NLK: variants seen among roughly 807,000 people sequenced by gnomAD.
NLK encodes the protein serine/threonine-protein kinase NLK.
In NLK, 11 loss-of-function variants were observed where a neutral mutation model predicts 59.0. The ratio of observed to expected loss-of-function variants is 0.19; its 90% CI spans 0.12 to 0.31. The LOEUF (loss-of-function observed/expected upper bound fraction) is 0.31, where lower values mean the gene tolerates loss of function less well. Ranked by LOEUF, NLK falls within the 10% of genes least tolerant of loss-of-function variation. The pLI is 1.00. For missense variants in NLK, 410 were observed against 661.1 expected (o/e 0.62, Z 4.16); for synonymous variants, 235 against 235.9 (o/e 1.00, Z 0.03).
At chr17:28,148,377 T>C (rs1210634617) in intron 3 of NLK, among the ~76,000 whole-genome samples, 2 of 152,082 alleles carry the variant, frequency 1.3e-5, no homozygotes, top group African/African-American at 4.8e-5. Context: ...GGGATATGAA[T>C]CTATTTAAGC....
At chr17:28,111,896 GGTGT>G (rs747211468) in intron 1 of NLK, among the ~76,000 whole-genome samples, 2,047 of 67,142 alleles carry the variant, frequency 0.03, 36 homozygotes, top group Middle Eastern at 0.054. Flanking sequence ...GTGTGTGTGT[GGTGT>G]GTGTGTGTGT....
intron 3 of NLK, among the ~76,000 whole-genome samples, chr17:28,143,131 C>T (rs1262201233): frequency 6.6e-6 from 1 of 151,676 alleles, no homozygotes; most frequent in Non-Finnish European, 1.5e-5. Flanking sequence ...GCAACCTCCA[C>T]CTCCTGGGTT....
At chr17:28,081,541 TAAC>T (rs1247238134) in intron 1 of NLK, among the ~76,000 whole-genome samples, 1 of 151,868 alleles carries the variant, frequency 6.6e-6, no homozygotes, top group East Asian at 1.9e-4. Flanking sequence ...GGAAAAAAAA[TAAC>T]AAATACAAAT....
chr17:28,132,141 A>T (rs558516897), intron 2 of NLK, among the ~76,000 whole-genome samples: 1 of 152,242 alleles, frequency 6.6e-6, no homozygotes, highest in African/African-American at 2.4e-5. Context: ...TTGTAATTAC[A>T]TATCTGTAAC....
At chr17:28,155,097 A>G (rs565923873) in intron 3 of NLK, among the ~76,000 whole-genome samples, 2 of 152,340 alleles carry the variant, frequency 1.3e-5, no homozygotes, top group African/African-American at 4.8e-5. Context: ...TCACTTGGTT[A>G]AATGAATTAT....
At chr17:28,060,210 C>T (rs1909584051) in intron 1 of NLK, among the ~76,000 whole-genome samples, 1 of 151,370 alleles carries the variant, frequency 6.6e-6, no homozygotes, top group Non-Finnish European at 1.5e-5. Flanking sequence ...AGAAACAAAG[C>T]CAAAAAATAA....
chr17:28,157,163 A>G (rs573369921), intron 3 of NLK, among the ~76,000 whole-genome samples: 5 of 151,876 alleles, frequency 3.3e-5, no homozygotes, highest in Middle Eastern at 3.4e-3. Context: ...ACTACCAGCA[A>G]ATGCCACAAT....
rs75625581 is a variant in NLK, at chr17:28,177,513, G to A, written c.1149+4895G>A. 0.014 allele frequency among the ~76,000 whole-genome samples: 2,152 copies of A among 152,256 alleles called. 81 individuals are homozygous for A. In the East Asian group the frequency reaches 0.17, roughly 12 times the overall value. ...GACTTCAGGCCCTGTTGGAATTCAG[G>A]TTGTGAGATGATCTTCCATGCCAGG... On this transcript the variant is annotated intron_variant, in intron 7 of 10. Transcript: ENST00000407008.
chr17:28,092,180 T>C (rs2142779078), intron 1 of NLK, among the ~76,000 whole-genome samples: 1 of 152,214 alleles, frequency 6.6e-6, no homozygotes, highest in East Asian at 1.9e-4. Context: ...AGGACCAACT[T>C]TTCTTTGGAC....
rs1909448743 is a variant in NLK at position 28,195,279 on chromosome 17, T to C, written c.*643T>C. On this transcript the variant is annotated 3_prime_UTR_variant, in exon 11 of 11. Coordinates refer to ENST00000407008, the MANE Select transcript of NLK (RefSeq NM_016231.5). ...TGGGTAGAGAGAATGAGTTTGTGACTAGGAGAGACTAAACTTTTGTTTTCC... is the reference window on the plus strand; with the variant it reads ...TGGGTAGAGAGAATGAGTTTGTGACCAGGAGAGACTAAACTTTTGTTTTCC... 6.6e-6 allele frequency: 1 copy of C among 151,786 alleles called. No individual in the cohort carries two copies. Among genetic ancestry groups the C allele is most frequent in the Non-Finnish European group, 1.5e-5 (1 of 67,964 alleles). 9.4% of individuals were successfully genotyped at this position (151,786 alleles called of 1,614,324 possible).
At chr17:28,162,267 G>A (rs1323120153) in intron 4 of NLK, among the ~76,000 whole-genome samples, 1 of 151,918 alleles carries the variant, frequency 6.6e-6, no homozygotes, top group African/African-American at 2.4e-5. Flanking sequence ...CTCCTGCCTC[G>A]GCCTCCCAAA....
intron 7 of NLK, among the ~76,000 whole-genome samples, chr17:28,175,708 G>A (rs1367934957): frequency 6.6e-6 from 1 of 152,150 alleles, no homozygotes; most frequent in East Asian, 1.9e-4. Context: ...TGCATGTAAG[G>A]AGAACATAGA....
intron 1 of NLK, among the ~76,000 whole-genome samples, chr17:28,103,100 A>G (rs1189311638): frequency 1.3e-5 from 2 of 152,184 alleles, no homozygotes; most frequent in African/African-American, 4.8e-5. Flanking sequence ...AAATGGCAAA[A>G]TAAATAAATA....
At chr17:28,148,434 ATTATTT>A (rs1379659943) in intron 3 of NLK, among the ~76,000 whole-genome samples, 2 of 152,224 alleles carry the variant, frequency 1.3e-5, no homozygotes, top group African/African-American at 4.8e-5. Context: ...TATCGTCAAG[ATTATTT>A]TTATAATTTG....
In NLK at chr17:28,124,520, A is replaced by C. The variant is rs191096823; in HGVS notation, c.588+1788A>C. ...CAGTCTGGGTGCAGAGCAGGACTCC[A>C]TCTCTAAAAAAAAACCACACACACA... On this transcript the variant is annotated intron_variant, in intron 2 of 10. Coordinates refer to ENST00000407008, the MANE Select transcript of NLK (RefSeq NM_016231.5). Among the ~76,000 whole-genome samples the C allele has an allele frequency of 2.3e-3, 350 of 152,170 alleles. 3 individuals are homozygous for C. The highest frequency in any genetic ancestry group is 7.9e-3 in the African/African-American group (329 of 41,514).
intron 5 of NLK, among the ~76,000 whole-genome samples, chr17:28,166,507 A>G (rs1908242599): frequency 6.6e-6 from 1 of 152,196 alleles, no homozygotes; most frequent in African/African-American, 2.4e-5. Context: ...CTCTTTTTCA[A>G]ATAAAATCTT....
intron 3 of NLK, among the ~76,000 whole-genome samples, chr17:28,154,530 T>C (rs1311173091): frequency 6.6e-6 from 1 of 152,184 alleles, no homozygotes; most frequent in African/African-American, 2.4e-5. Flanking sequence ...AACAATAATA[T>C]TGTAAACATC....
chr17:28,076,262 A>G (rs1597666482), intron 1 of NLK, among the ~76,000 whole-genome samples: 1 of 152,218 alleles, frequency 6.6e-6, no homozygotes, highest in African/African-American at 2.4e-5. Context: ...TTTATTTCTC[A>G]CAATTCTGGA....
chr17:28,179,781 A>G (rs983749228), intron 7 of NLK, among the ~76,000 whole-genome samples: 11 of 151,380 alleles, frequency 7.3e-5, no homozygotes, highest in Non-Finnish European at 1.6e-4. Flanking sequence ...CCTGGGCTCA[A>G]GCAGTTCTCC....
Sources: allele counts gnomAD v4.1 joint callset (sites outside exome capture counted in the v4.1 genomes callset), GRCh38; gene constraint gnomAD v4.1.1; transcripts MANE v1.5; gene names NCBI Gene and HGNC (gene_info 2026-07-23, HGNC 2026-07-21).